The following SUMF2 variants were observed in gnomAD, a reference collection of about 807,000 sequenced individuals.
The protein encoded by SUMF2 is inactive C-alpha-formylglycine-generating enzyme 2.
SUMF2 carries 45 observed loss-of-function variants against 44.8 expected under a neutral mutation model. That is an observed-to-expected ratio of 1.00 (90% CI 0.79 to 1.29). The LOEUF is 1.29. SUMF2 is among the 50% of genes most tolerant of loss of function. SUMF2 has a pLI of 0.00. For synonymous variants in SUMF2, 148 were observed against 150.4 expected, an observed-to-expected ratio of 0.98 and a Z score of 0.12; for missense variants, 418 against 389.9, an observed-to-expected ratio of 1.07 and a Z score of -0.61.
chr7:56,068,584 C>T lies in SUMF2; in HGVS notation c.170C>T (p.Ala57Val), dbSNP rs201424679. Reference protein sequence around the residue: ...SRDGDGPVREATVKPFAIDIF... With the variant: ...SRDGDGPVREVTVKPFAIDIF... Reference sequence around the variant, plus strand: ...GATGGTGACGGGCCTGTGCGGGAGGCGACAGTGAAACCCTTTGCCATCGAC... The same window carrying T: ...GATGGTGACGGGCCTGTGCGGGAGGTGACAGTGAAACCCTTTGCCATCGAC... Residue 57 changes from alanine to valine, a missense_variant, in exon 2 of 9, where the codon GCG (alanine) becomes GTG (valine). Coordinates refer to ENST00000434526, the MANE Select transcript of SUMF2 (RefSeq NM_015411.4). 306 of 1,613,774 alleles carry T rather than the reference C, an allele frequency of 1.9e-4. 1 individual carries two copies. The highest frequency in any genetic ancestry group is 4.9e-4 in the Middle Eastern group (3 of 6,062).
At chr7:56,083,658 C>A, downstream of SUMF2, 1 of 1,582,746 alleles carries the variant, frequency 6.3e-7, no homozygotes. Context: ...ACCTGGTTTC[C>A]TTCTCACTCA....
Position 56,080,624 on chromosome 7 carries a change from A to T in SUMF2, c.*1012A>T, listed in dbSNP as rs1195041422. 4 of 209,944 alleles carry T rather than the reference A, an allele frequency of 1.9e-5. No homozygotes were observed. In the East Asian group the frequency reaches 5.0e-4, roughly 26 times the overall value. 13.0% of individuals were successfully genotyped at this position (209,944 alleles called of 1,614,324 possible). On this transcript the variant is annotated 3_prime_UTR_variant, in exon 9 of 9. Transcript: ENST00000434526. ...GAGAGTAGCCTGCTCCCACACTGTC[A>T]CTGGATGTCATGGGGCCAATAAAAT...
chr7:56,078,019 C>T lies in SUMF2; in HGVS notation c.592-83C>T, dbSNP rs192709981. On this transcript the variant is annotated intron_variant, in intron 6 of 8. Transcript: ENST00000434526. The stretch of plus-strand genomic sequence containing the variant: ...CCCTTCCCCAGATGCAACAGCAAGA[C>T]GACCTTGGTTTTCCTCTGGATAGGC... 2.6e-3 allele frequency: 3,182 copies of T among 1,202,012 alleles called. 17 individuals carry two copies. The highest frequency in any genetic ancestry group is 8.6e-3 in the Middle Eastern group (42 of 4,912). 74.5% of individuals were successfully genotyped at this position (1,202,012 alleles called of 1,614,324 possible).
Position 56,064,329 on chromosome 7 carries a change from A to ACCGCTGCTG in SUMF2, c.21_29dup (p.Pro10_Leu12dup). Reference sequence around the variant, plus strand: ...CAGTCCTGATGGCCCGGCATGGGTTACCGCTGCTGCCCCTGCTGTCGCTCC... The same window carrying ACCGCTGCTG: ...CAGTCCTGATGGCCCGGCATGGGTTACCGCTGCTGCCGCTGCTGCCCCTGCTGTCGCTCC... On this transcript the variant is annotated inframe_insertion, in exon 1 of 9. Coordinates refer to ENST00000434526, the MANE Select transcript of SUMF2 (RefSeq NM_015411.4). 1 of 1,599,094 alleles carries ACCGCTGCTG rather than the reference A, an allele frequency of 6.3e-7. No individual in the cohort carries two copies. Among genetic ancestry groups the ACCGCTGCTG allele is most frequent in the Non-Finnish European group, 8.5e-7 (1 of 1,173,390 alleles).
chr7:56,072,995 A>T lies in SUMF2; in HGVS notation c.225-2A>T. On this transcript the variant is annotated splice_acceptor_variant, in intron 2 of 8. Transcript: ENST00000434526. LOFTEE classifies it high-confidence loss of function. Reference sequence around the variant, plus strand: ...TGAACCAGCTGAACTATGTCTTTATAGGGATTTTGTCAGGGAGAAAAAGTA... The same window carrying T: ...TGAACCAGCTGAACTATGTCTTTATTGGGATTTTGTCAGGGAGAAAAAGTA... 6.2e-7 allele frequency: 1 copy of T among 1,612,684 alleles called. No individual in the cohort carries two copies. Among genetic ancestry groups the T allele is most frequent in the Non-Finnish European group, 8.5e-7 (1 of 1,178,762 alleles).
chr7:56,075,698 CAA>C (rs749604404), intron 5 of SUMF2, among the ~76,000 whole-genome samples: 20 of 98,990 alleles, frequency 2.0e-4, no homozygotes, highest in Admixed American at 4.4e-4. Context: ...GACTCCGTCT[CAA>C]AAAAAAAAAA....
downstream of SUMF2, chr7:56,081,247 C>T (rs138170417): frequency 7.4e-5 from 119 of 1,613,170 alleles, no homozygotes; most frequent in Non-Finnish European, 8.6e-5. The surrounding 1 kb of genome is among the most constrained non-coding windows in gnomAD (Gnocchi z 4.6). Context: ...AGGCTTCACC[C>T]GGCGGTACTG....
downstream of SUMF2, chr7:56,084,065 C>T: frequency 1.4e-6 from 1 of 737,956 alleles, no homozygotes; most frequent in South Asian, 1.7e-5. Context: ...TCCCCAGGTT[C>T]CCATTACCCT....
At chr7:56,068,287 G>A (rs112299309) in intron 1 of SUMF2, among the ~76,000 whole-genome samples, 195 bp from the exon 2 acceptor site, 4 of 151,890 alleles carry the variant, frequency 2.6e-5, no homozygotes, top group Admixed American at 6.6e-5. Flanking sequence ...TACCCGCCTC[G>A]GCCTCTCAAA....
chr7:56,081,325 G>C, downstream of SUMF2: 1 of 1,587,040 alleles, frequency 6.3e-7, no homozygotes, highest in Non-Finnish European at 8.5e-7. This position sits in a 1 kb window ranked among gnomAD's most constrained non-coding sequence, Gnocchi z 4.6. Flanking sequence ...GAGAAGCTGG[G>C]CTGCAGCCCC....
At chr7:56,086,592 G>A in the SUMF2 span, among the ~76,000 whole-genome samples, 2 of 152,106 alleles carry the variant, frequency 1.3e-5, no homozygotes, top group African/African-American at 2.4e-5. Context: ...GGGTTCAAGC[G>A]ATTCTCCTGC....
At chr7:56,085,974 CAAAA>C in the SUMF2 span, among the ~76,000 whole-genome samples, 2 of 133,254 alleles carry the variant, frequency 1.5e-5, no homozygotes, top group Non-Finnish European at 1.6e-5. Context: ...AACTCTGTCT[CAAAA>C]AAAAAAAAAA....
downstream of SUMF2, chr7:56,082,010 G>T: frequency 2.5e-6 from 4 of 1,613,896 alleles, no homozygotes; most frequent in South Asian, 4.4e-5. Context: ...GCGGGGAGCC[G>T]GCCAGCAGCG....
At position 56,078,382 on chromosome 7, in the gene SUMF2, G is replaced by T; in HGVS notation, c.695G>T (p.Gly232Val). The stretch of plus-strand genomic sequence containing the variant: ...GCTGCAGGGCTCTATGACCTCCTGG[G>T]GAACGTGTGGGAGTGGACAGCATCA... ...QNNYGLYDLLGNVWEWTASPY... is the reference protein window; with the variant it reads ...QNNYGLYDLLVNVWEWTASPY... Residue 232 changes from glycine to valine, a missense_variant, in exon 8 of 9, where the codon GGG (glycine) becomes GTG (valine). Coordinates refer to ENST00000434526, the MANE Select transcript of SUMF2 (RefSeq NM_015411.4). 1.2e-6 allele frequency: 2 copies of T among 1,609,062 alleles called. No individual in the cohort carries two copies. The highest frequency in any genetic ancestry group is 1.7e-6 in the Non-Finnish European group (2 of 1,177,070).
At chr7:56,077,044 TTTC>T (rs1223992830) in intron 6 of SUMF2, among the ~76,000 whole-genome samples, 155 bp downstream of exon 6, 10 of 151,008 alleles carry the variant, frequency 6.6e-5, no homozygotes, top group Admixed American at 2.0e-4. Flanking sequence ...TCATAAGTGC[TTTC>T]TTTTTTTTTT....
At chr7:56,081,890 C>A (rs1796016173), downstream of SUMF2, 1 of 1,613,154 alleles carries the variant, frequency 6.2e-7, no homozygotes, top group African/African-American at 1.3e-5. The surrounding 1 kb of genome is among the most constrained non-coding windows in gnomAD (Gnocchi z 4.6). Flanking sequence ...CCTGGCCTCT[C>A]ACCAGGTCCT....
intron 1 of SUMF2, among the ~76,000 whole-genome samples, chr7:56,068,031 CTTTTTTT>C (rs565131237): frequency 7.2e-5 from 8 of 110,346 alleles, no homozygotes; most frequent in Non-Finnish European, 1.3e-4. Flanking sequence ...TTTTTTCTTT[CTTTTTTT>C]TTTTTTTTTT....
chr7:56,076,450 G>A (rs1011880378), intron 5 of SUMF2: 13 of 162,640 alleles, frequency 8.0e-5, no homozygotes, highest in East Asian at 1.7e-4. Flanking sequence ...GTGAGCCACC[G>A]CGACCAGCCA....
rs1204357733 is a variant in SUMF2, at chr7:56,075,187, T to TG, written c.535+451_535+452insG. Among the ~76,000 whole-genome samples, 4 of 151,650 alleles carry TG rather than the reference T, an allele frequency of 2.6e-5. No homozygotes were observed. The East Asian group carries it at 7.7e-4, about 29-fold the overall frequency. On this transcript the variant is annotated intron_variant, in intron 5 of 8. Coordinates refer to ENST00000434526, the MANE Select transcript of SUMF2 (RefSeq NM_015411.4). ...TATCTGTGGTGGAGGACCAGTGTTT[T>TG]TTTTTTTTTTTAATTTCTAGTCCAT...
Sources: gnomAD v4.1 joint callset for allele counts (sites outside exome capture counted in the v4.1 genomes callset) on GRCh38, gnomAD v4.1.1 for gene constraint, Gnocchi (gnomAD v3.1) non-coding constraint, MANE v1.5 for transcripts, NCBI Gene and HGNC (gene_info 2026-07-23, HGNC 2026-07-21) for gene names.